The following TEAD1 variants were observed in gnomAD, a reference collection of about 807,000 sequenced individuals.
The protein encoded by TEAD1 is TEA domain transcription factor 1.
TEAD1 carries 9 observed loss-of-function variants against 54.9 expected under a neutral mutation model. The ratio of observed to expected loss-of-function variants is 0.16; its 90% CI spans 0.10 to 0.29. The LOEUF (loss-of-function observed/expected upper bound fraction) is 0.29. Among genes scored for constraint, TEAD1 ranks in the 10% least tolerant of loss-of-function variants. The pLI, the probability that TEAD1 is intolerant of heterozygous loss-of-function variation, is 1.00. For missense variants in TEAD1, 387 were observed against 535.9 expected, an observed-to-expected ratio of 0.72 and a Z score of 2.74; for synonymous variants, 200 against 187.8, an observed-to-expected ratio of 1.07 and a Z score of -0.53.
At chr11:12,752,632 G>A (rs112379929) in intron 2 of TEAD1, among the ~76,000 whole-genome samples, 25 of 152,138 alleles carry the variant, frequency 1.6e-4, no homozygotes, top group African/African-American at 6.0e-4. Flanking sequence ...CTGTCCCATA[G>A]AACTTTCTGT....
At chr11:12,742,109 T>C (rs1944661506) in intron 2 of TEAD1, among the ~76,000 whole-genome samples, 1 of 152,236 alleles carries the variant, frequency 6.6e-6, no homozygotes, top group African/African-American at 2.4e-5. Context: ...CTTTACAGCA[T>C]GACTGTTTTA....
At chr11:12,710,869 AGT>A (rs1172827671) in intron 2 of TEAD1, among the ~76,000 whole-genome samples, 1 of 152,028 alleles carries the variant, frequency 6.6e-6, no homozygotes, top group African/African-American at 2.4e-5. Context: ...AGGAGGAGAG[AGT>A]GAGTGCTAGC....
At chr11:12,847,381 A>G (rs918633293) in intron 3 of TEAD1, among the ~76,000 whole-genome samples, 5 of 151,172 alleles carry the variant, frequency 3.3e-5, no homozygotes, top group East Asian at 2.0e-4. Flanking sequence ...TGCACAAAGT[A>G]TGGTGAGCAG....
chr11:12,783,668 C>A (rs1945613140), intron 3 of TEAD1, among the ~76,000 whole-genome samples: 1 of 152,166 alleles, frequency 6.6e-6, no homozygotes, highest in Non-Finnish European at 1.5e-5. Context: ...ATTGCTAAGA[C>A]AGCTCACAGT....
intron 3 of TEAD1, among the ~76,000 whole-genome samples, chr11:12,806,448 T>A (rs1321869516): frequency 1.3e-5 from 2 of 151,814 alleles, no homozygotes; most frequent in Non-Finnish European, 3.0e-5. Context: ...TCCAAAGTCT[T>A]GGGTCCTTGG....
At chr11:12,676,145 T>G (rs1943082316) in intron 2 of TEAD1, among the ~76,000 whole-genome samples, 1 of 152,154 alleles carries the variant, frequency 6.6e-6, no homozygotes, top group Non-Finnish European at 1.5e-5. Flanking sequence ...CCTGCCACAT[T>G]TCAAAATAGT....
intron 3 of TEAD1, among the ~76,000 whole-genome samples, chr11:12,857,085 C>G (rs899204681): frequency 6.6e-6 from 1 of 152,218 alleles, no homozygotes; most frequent in African/African-American, 2.4e-5. Flanking sequence ...AACTCCATGC[C>G]TTTCTTCTGG....
chr11:12,876,586 G>A (rs1947858512), intron 5 of TEAD1, among the ~76,000 whole-genome samples: 1 of 152,210 alleles, frequency 6.6e-6, no homozygotes, highest in African/African-American at 2.4e-5. Context: ...AGGCAGGCAA[G>A]ACGTCTGTGC....
rs1948881161 is a variant in TEAD1 at position 12,924,927 on chromosome 11, A to G, written c.889A>G (p.Asn297Asp). Residue 297 changes from asparagine (N) to aspartate (D), a missense_variant, in exon 11 of 13, where the codon AAT (asparagine) becomes GAT (aspartate). Asn to Asp is a conservative substitution (Grantham distance 23). Around this residue, in one of 5 missense-constraint regions of TEAD1, gnomAD observed 123 missense variants for 199.0 expected, o/e 0.62. Transcript: ENST00000527636. Reference sequence around the variant, plus strand: ...TTTCCAACAGGCTGATTTAAACTGCAATATTCAAGATGATGCTGGGGCTTT... The same window carrying G: ...TTTCCAACAGGCTGATTTAAACTGCGATATTCAAGATGATGCTGGGGCTTT... 5.0e-6 allele frequency: 8 copies of G among 1,614,084 alleles called. No homozygotes were observed. The highest frequency in any genetic ancestry group is 5.9e-6 in the Non-Finnish European group (7 of 1,180,040).
At chr11:12,878,784 C>CATATGTAT in intron 5 of TEAD1, 2 of 603,130 alleles carry the variant, frequency 3.3e-6, no homozygotes, top group Non-Finnish European at 4.9e-6. Context: ...TACATATATA[C>CATATGTAT]ATATGTATAT....
At chr11:12,751,636 A>G (rs1221743085) in intron 2 of TEAD1, among the ~76,000 whole-genome samples, 2 of 152,254 alleles carry the variant, frequency 1.3e-5, no homozygotes, top group Non-Finnish European at 2.9e-5. Context: ...GGCTCTCAGT[A>G]AATGCTTTTA....
intron 2 of TEAD1, among the ~76,000 whole-genome samples, chr11:12,748,888 G>A (rs1944807071): frequency 6.6e-6 from 1 of 151,988 alleles, no homozygotes; most frequent in African/African-American, 2.4e-5. Flanking sequence ...GGGTCAAATG[G>A]ACGTTCTTGG....
At chr11:12,923,613 T>C (rs1231392399) in intron 10 of TEAD1, among the ~76,000 whole-genome samples, 1 of 152,222 alleles carries the variant, frequency 6.6e-6, no homozygotes, top group African/African-American at 2.4e-5. Context: ...TGGTCTGTTT[T>C]GTGCTGCTAC....
chr11:12,822,892 T>A (rs1447431017), intron 3 of TEAD1, among the ~76,000 whole-genome samples: 1 of 152,232 alleles, frequency 6.6e-6, no homozygotes, highest in East Asian at 1.9e-4. Flanking sequence ...TTGGAGCATG[T>A]CCTGATTACA....
intron 3 of TEAD1, among the ~76,000 whole-genome samples, chr11:12,840,255 AAAAAAAAG>A (rs1236600026): frequency 0.13 from 3,166 of 24,662 alleles, 230 homozygotes; most frequent in African/African-American, 0.21. Flanking sequence ...TCAAAAAAAA[AAAAAAAAG>A]AAAAAAAAAA....
chr11:12,940,749 G>T lies in TEAD1; in HGVS notation c.*3527G>T, dbSNP rs777341072. The T allele has an allele frequency of 6.6e-6, 1 of 152,032 alleles. No individual in the cohort carries two copies. Among genetic ancestry groups the T allele is most frequent in the Admixed American group, 6.6e-5 (1 of 15,264 alleles). 9.4% of individuals were successfully genotyped at this position (152,032 alleles called of 1,614,324 possible). A position where few individuals can be genotyped will look rare whatever the true frequency, so the allele number is the denominator to read the frequency against. ...GTCTCAGCAATTTTCATTATTTCTC[G>T]TGGGTCTCATTATCAAACCTTTACT... On this transcript the variant is annotated 3_prime_UTR_variant, in exon 13 of 13. Transcript: ENST00000527636.
At chr11:12,857,254 G>A (rs555193244) in intron 3 of TEAD1, among the ~76,000 whole-genome samples, 16 of 152,346 alleles carry the variant, frequency 1.1e-4, no homozygotes, top group Admixed American at 4.6e-4. Flanking sequence ...GAGGATCACA[G>A]TGTAAAAGTG....
intron 3 of TEAD1, among the ~76,000 whole-genome samples, chr11:12,846,795 A>G (rs1257654550): frequency 1.3e-5 from 2 of 152,252 alleles, no homozygotes; most frequent in Non-Finnish European, 2.9e-5. Flanking sequence ...GAAGATCACA[A>G]GAATTAAAAA....
chr11:12,820,950 A>T (rs1444674453), intron 3 of TEAD1, among the ~76,000 whole-genome samples: 1 of 152,172 alleles, frequency 6.6e-6, no homozygotes. Flanking sequence ...GCTGATGACA[A>T]AGGGCTTTAA....
Sources: gnomAD v4.1 joint callset for allele counts (sites outside exome capture counted in the v4.1 genomes callset) on GRCh38, gnomAD v4.1.1 for gene constraint, gnomAD v4.1.1 regional missense constraint, MANE v1.5 for transcripts, NCBI Gene and HGNC (gene_info 2026-07-23, HGNC 2026-07-21) for gene names.